The following SRGAP2C variants were observed in gnomAD, a reference collection of about 807,000 sequenced individuals.
The protein encoded by SRGAP2C is SLIT-ROBO Rho GTPase activating protein 2C.
In SRGAP2C, 15 loss-of-function variants were observed where a neutral mutation model predicts 25.1. The ratio of observed to expected loss-of-function variants is 0.60; its 90% confidence interval spans 0.40 to 0.92. The LOEUF (loss-of-function observed/expected upper bound fraction) is 0.92. Among genes scored for constraint, SRGAP2C ranks in the 40% least tolerant of loss-of-function variants. The pLI is 0.00. For missense variants in SRGAP2C, 144 were observed against 264.4 expected (o/e 0.54, Z 3.16); for synonymous variants, 44 against 96.6 (o/e 0.46, Z 3.19).
At chr1:121,284,041 A>G (rs1657307798) in intron 2 of SRGAP2C, among the ~76,000 whole-genome samples, 1 of 151,794 alleles carries the variant, frequency 6.6e-6, no homozygotes, top group East Asian at 1.9e-4. Flanking sequence ...AGATTAAGCA[A>G]CACAGATATG....
chr1:121,241,348 T>C (rs1203346470), intron 2 of SRGAP2C, among the ~76,000 whole-genome samples: 1 of 36,978 alleles, frequency 2.7e-5, no homozygotes, highest in Non-Finnish European at 4.8e-5. Flanking sequence ...AACAATAGCT[T>C]CCCCTTTCCT....
At chr1:121,207,935 C>A (rs1655156510) in intron 2 of SRGAP2C, among the ~76,000 whole-genome samples, 1 of 152,144 alleles carries the variant, frequency 6.6e-6, no homozygotes, top group Admixed American at 6.5e-5. Context: ...AGAAAAAAGA[C>A]CACTCAGCTG....
At chr1:121,321,785 G>A (rs1377269221) in intron 3 of SRGAP2C, among the ~76,000 whole-genome samples, 1 of 151,984 alleles carries the variant, frequency 6.6e-6, no homozygotes, top group Non-Finnish European at 1.5e-5. Flanking sequence ...CCTGTTTATT[G>A]ACCCATCTTT....
chr1:121,359,830 T>C (rs587615688), intron 4 of SRGAP2C, among the ~76,000 whole-genome samples: 1 of 152,242 alleles, frequency 6.6e-6, no homozygotes, highest in East Asian at 1.9e-4. Flanking sequence ...AATATCATAG[T>C]GGACAGCACA....
intron 2 of SRGAP2C, among the ~76,000 whole-genome samples, chr1:121,211,135 G>A (rs1553323573): frequency 6.6e-6 from 1 of 151,272 alleles, no homozygotes; most frequent in Non-Finnish European, 1.5e-5. Flanking sequence ...GGACTCTTCA[G>A]CAATTAACAC....
At chr1:121,377,255 T>C (rs1570828682) in intron 7 of SRGAP2C, among the ~76,000 whole-genome samples, 1 of 91,846 alleles carries the variant, frequency 1.1e-5, no homozygotes, top group African/African-American at 4.3e-5. Context: ...ATAAAGTTTC[T>C]CATGTTTCTT....
intron 4 of SRGAP2C, among the ~76,000 whole-genome samples, chr1:121,339,361 C>T (rs1553342838): frequency 1.2e-4 from 18 of 151,010 alleles, no homozygotes; most frequent in Non-Finnish European, 2.4e-4. Context: ...AAGTGATTCT[C>T]GTGCCTCAGC....
chr1:121,377,085 T>A (rs1376639334), intron 7 of SRGAP2C, among the ~76,000 whole-genome samples: 1 of 146,962 alleles, frequency 6.8e-6, no homozygotes, highest in Non-Finnish European at 1.5e-5. Context: ...AGAAGCGAGG[T>A]ATTTTGTACC....
At chr1:121,379,149 G>A (rs1283495423) in intron 7 of SRGAP2C, among the ~76,000 whole-genome samples, 1 of 152,202 alleles carries the variant, frequency 6.6e-6, no homozygotes, top group Non-Finnish European at 1.5e-5. Flanking sequence ...CGGACATGAG[G>A]GAACTTGGCT....
intron 4 of SRGAP2C, among the ~76,000 whole-genome samples, chr1:121,347,298 G>A (rs1239505002): frequency 3.8e-5 from 4 of 104,254 alleles, no homozygotes; most frequent in Non-Finnish European, 5.8e-5. Context: ...AGGAGAAAAA[G>A]GACAGGCATA....
chr1:121,285,990 C>CT (rs1657355828), intron 3 of SRGAP2C, among the ~76,000 whole-genome samples: 2 of 152,086 alleles, frequency 1.3e-5, no homozygotes, highest in African/African-American at 4.8e-5. Context: ...AGCTGATGAG[C>CT]TTAAAAAAAA....
intron 2 of SRGAP2C, among the ~76,000 whole-genome samples, chr1:121,211,352 C>T (rs1553323625): frequency 6.8e-6 from 1 of 146,612 alleles, no homozygotes; most frequent in African/African-American, 2.5e-5. Flanking sequence ...TGGAGGCAGT[C>T]TACAACAGGC....
chr1:121,338,941 AAGT>A (rs1472098271), intron 4 of SRGAP2C, among the ~76,000 whole-genome samples: 71 of 150,260 alleles, frequency 4.7e-4, no homozygotes, highest in African/African-American at 1.7e-3. Flanking sequence ...AAATTTTAAA[AAGT>A]AGTAACGTGT....
intron 2 of SRGAP2C, among the ~76,000 whole-genome samples, chr1:121,235,023 TTTC>T (rs1655914931): frequency 6.7e-6 from 1 of 148,468 alleles, no homozygotes; most frequent in Non-Finnish European, 1.5e-5. Context: ...CTTTTCTTTC[TTTC>T]TTTTTTTTTT....
At chr1:121,362,423 C>A (rs1659216369) in intron 4 of SRGAP2C, among the ~76,000 whole-genome samples, 1 of 152,098 alleles carries the variant, frequency 6.6e-6, no homozygotes, top group African/African-American at 2.4e-5. Flanking sequence ...TTGAGTGGTC[C>A]TCCCAACTAA....
intron 2 of SRGAP2C, among the ~76,000 whole-genome samples, chr1:121,257,999 G>A (rs1176067442): frequency 1.3e-5 from 2 of 150,922 alleles, no homozygotes; most frequent in Non-Finnish European, 3.0e-5. Flanking sequence ...TTGAGGAAGG[G>A]TGGGAAGGTG....
chr1:121,383,421 G>A lies in SRGAP2C; in HGVS notation c.1056+496G>A, dbSNP rs2993843. Among the ~76,000 whole-genome samples the A allele has an allele frequency of 6.2e-3, 931 of 151,320 alleles. 6 individuals carry two copies. The highest frequency in any genetic ancestry group is 1.0e-2 in the Non-Finnish European group (677 of 67,764). ...GTAGGGAATGCTGTGATCTTTTGGC[G>A]TTTGGCAGAGTTCTGAATAATCTTA... On this transcript the variant is annotated intron_variant, in intron 8 of 9. Coordinates refer to ENST00000367123, the MANE Select transcript of SRGAP2C (RefSeq NM_001329984.2).
intron 4 of SRGAP2C, among the ~76,000 whole-genome samples, chr1:121,345,652 T>C (rs1213957847): frequency 4.2e-4 from 53 of 126,668 alleles, no homozygotes; most frequent in African/African-American, 1.5e-3. Flanking sequence ...TGCTCTTCTT[T>C]TTTTTTTTTT....
At chr1:121,385,629 G>A (rs1659943045) in intron 8 of SRGAP2C, among the ~76,000 whole-genome samples, 2 of 151,928 alleles carry the variant, frequency 1.3e-5, no homozygotes, top group Non-Finnish European at 1.5e-5. Context: ...TTGCTGAGGA[G>A]GAAGGAGGCC....
Sources: gnomAD v4.1 joint callset for allele counts (sites outside exome capture counted in the v4.1 genomes callset) on GRCh38, gnomAD v4.1.1 for gene constraint, MANE v1.5 for transcripts, NCBI Gene and HGNC (gene_info 2026-07-23, HGNC 2026-07-21) for gene names.